PCDH11X: variants seen among roughly 807,000 people sequenced by gnomAD.
PCDH11X encodes protocadherin-11 X-linked.
Under a neutral mutation model 53.3 loss-of-function variants are expected in PCDH11X, and 18 were observed. That is an observed-to-expected ratio of 0.34 (90% CI 0.23 to 0.50). PCDH11X has a LOEUF of 0.50. PCDH11X is among the 20% of genes least tolerant of loss of function. The pLI, the probability that PCDH11X is intolerant of heterozygous loss-of-function variation, is 0.98. For synonymous variants in PCDH11X, 279 were observed against 393.3 expected (o/e 0.71, Z 3.44); for missense variants, 570 against 1,032.4 (o/e 0.55, Z 6.14).
chrX:92,162,241 G>C (rs1333984909), intron 6 of PCDH11X, among the ~76,000 whole-genome samples: 2 of 104,972 alleles, frequency 1.9e-5, no homozygotes, highest in Non-Finnish European at 3.9e-5. Context: ...ACCCATGCTG[G>C]AGTGCAGTGG....
intron 6 of PCDH11X, among the ~76,000 whole-genome samples, chrX:92,064,828 A>G (rs1474782132): frequency 9.6e-6 from 1 of 104,179 alleles, no homozygotes; most frequent in East Asian, 3.1e-4. Flanking sequence ...GCAGGAACCC[A>G]CAGAACACTA....
intron 6 of PCDH11X, among the ~76,000 whole-genome samples, chrX:92,011,552 C>T (rs1303445348): frequency 1.8e-5 from 2 of 112,092 alleles, no homozygotes; most frequent in African/African-American, 3.2e-5. Context: ...GACCAACTTG[C>T]TTATTTCAAG....
chrX:91,884,063 C>T, intron 6 of PCDH11X: 1 of 157,302 alleles, frequency 6.4e-6, no homozygotes, highest in Non-Finnish European at 1.0e-5. Flanking sequence ...TGGTAATGGG[C>T]GCCTGTAATC....
At chrX:92,203,613 G>A (rs906776098) in intron 7 of PCDH11X, among the ~76,000 whole-genome samples, 2 of 112,266 alleles carry the variant, frequency 1.8e-5, no homozygotes, top group African/African-American at 6.5e-5. Context: ...AATAGACAAA[G>A]AGTTTAATTC....
At chrX:92,094,268 A>C (rs1306892186) in intron 6 of PCDH11X, among the ~76,000 whole-genome samples, 4 of 109,994 alleles carry the variant, frequency 3.6e-5, no homozygotes, top group Non-Finnish European at 7.6e-5. Context: ...AACTGAAAAA[A>C]AAATGGACAA....
chrX:91,886,462 A>G (rs1940199252), intron 6 of PCDH11X, among the ~76,000 whole-genome samples: 1 of 111,005 alleles, frequency 9.0e-6, no homozygotes, highest in Non-Finnish European at 1.9e-5. Context: ...TGCATAAATT[A>G]AACAAAAAAT....
intron 6 of PCDH11X, among the ~76,000 whole-genome samples, chrX:92,031,882 A>G (rs778036525): frequency 1.3e-4 from 15 of 111,798 alleles, no homozygotes; most frequent in Middle Eastern, 4.6e-3. Flanking sequence ...TTTTGTTACT[A>G]TAGCTCTGTA....
chrX:92,143,004 T>C (rs112912582), intron 6 of PCDH11X, among the ~76,000 whole-genome samples: 4,359 of 111,186 alleles, frequency 0.039, 198 homozygotes, highest in African/African-American at 0.13. Flanking sequence ...CAGCCAGGCA[T>C]GGTGGCTCAC....
intron 7 of PCDH11X, among the ~76,000 whole-genome samples, chrX:92,223,046 T>C (rs2066910409): frequency 8.9e-6 from 1 of 112,198 alleles, no homozygotes; most frequent in African/African-American, 3.2e-5. Flanking sequence ...AGTGCAGCAG[T>C]GTAAACATAG....
chrX:92,273,743 T>G (rs1044186072), intron 8 of PCDH11X, among the ~76,000 whole-genome samples: 4 of 110,752 alleles, frequency 3.6e-5, no homozygotes, highest in Admixed American at 9.6e-5. Context: ...CGTGTAGAAT[T>G]ATTGGTGATG....
At chrX:91,999,098 A>G (rs2147957692) in intron 6 of PCDH11X, among the ~76,000 whole-genome samples, 1 of 108,911 alleles carries the variant, frequency 9.2e-6, no homozygotes, top group African/African-American at 3.3e-5. Flanking sequence ...TTTTTTTTGT[A>G]AAGATGGAGC....
intron 6 of PCDH11X, chrX:92,113,534 C>G: frequency 8.3e-7 from 1 of 1,200,428 alleles, no homozygotes; most frequent in East Asian, 3.0e-5. Context: ...ACGTCTCGCT[C>G]CTTTTGGTCC....
chrX:92,136,856 A>G (rs773728459), intron 6 of PCDH11X, among the ~76,000 whole-genome samples: 1 of 108,855 alleles, frequency 9.2e-6, no homozygotes, highest in Admixed American at 1.0e-4. Context: ...ATCTGCTATG[A>G]TAATAAATTT....
chrX:92,049,426 C>T (rs1334703759), intron 6 of PCDH11X, among the ~76,000 whole-genome samples: 14 of 109,881 alleles, frequency 1.3e-4, no homozygotes, highest in African/African-American at 4.6e-4. Flanking sequence ...TCCCCTGACC[C>T]CTTAGAAGGA....
chrX:92,264,514 A>C (rs2067783847), intron 8 of PCDH11X, among the ~76,000 whole-genome samples: 1 of 111,390 alleles, frequency 9.0e-6, no homozygotes, highest in Admixed American at 9.6e-5. Flanking sequence ...TATTTATATT[A>C]TATTATGTGT....
intron 10 of PCDH11X, among the ~76,000 whole-genome samples, chrX:92,563,336 G>C (rs1921044679): frequency 9.2e-6 from 1 of 108,681 alleles, no homozygotes; most frequent in African/African-American, 3.4e-5. Context: ...CTATCAGGGG[G>C]ATGGCACCAA....
At chrX:92,064,889 T>G (rs188120566) in intron 6 of PCDH11X, among the ~76,000 whole-genome samples, 5,966 of 100,071 alleles carry the variant, frequency 0.06, 652 homozygotes, top group African/African-American at 0.22. Context: ...GAGGAGGAGA[T>G]AGCTCCCAGG....
intron 6 of PCDH11X, among the ~76,000 whole-genome samples, chrX:92,017,172 C>A (rs1173539189): frequency 1.7e-4 from 18 of 105,051 alleles, no homozygotes; most frequent in Non-Finnish European, 2.9e-4. Context: ...ACATCTATAG[C>A]CAAAAATAAT....
At chrX:92,075,392 G>C (rs2063759640) in intron 6 of PCDH11X, among the ~76,000 whole-genome samples, 1 of 108,378 alleles carries the variant, frequency 9.2e-6, no homozygotes, top group Admixed American at 1.0e-4. Flanking sequence ...AGGTACCTCA[G>C]CACCTTTGAA....
Sources: allele counts gnomAD v4.1 joint callset (sites outside exome capture counted in the v4.1 genomes callset), GRCh38; gene constraint gnomAD v4.1.1; transcripts MANE v1.5; gene names NCBI Gene and HGNC (gene_info 2026-07-23, HGNC 2026-07-21).